EFCAB5: variants seen among roughly 807,000 people sequenced by gnomAD.
EFCAB5 encodes EF-hand calcium-binding domain-containing protein 5.
Under a neutral mutation model 167.9 loss-of-function variants are expected in EFCAB5, and 131 were observed. That is an observed-to-expected ratio of 0.78 (90% CI 0.68 to 0.90). The LOEUF (loss-of-function observed/expected upper bound fraction) is 0.90. Among genes scored for constraint, EFCAB5 ranks in the 40% least tolerant of loss-of-function variants. The pLI is 0.00. For missense variants in EFCAB5, 1,663 were observed against 1,745.2 expected, an observed-to-expected ratio of 0.95 and a Z score of 0.84; for synonymous variants, 574 against 602.8, an observed-to-expected ratio of 0.95 and a Z score of 0.70.
At chr17:29,982,344 C>G (rs2068195188) in intron 4 of EFCAB5, among the ~76,000 whole-genome samples, 1 of 152,010 alleles carries the variant, frequency 6.6e-6, no homozygotes, top group Admixed American at 6.6e-5. Flanking sequence ...TTGCAGTGAG[C>G]CAAGCACCAC....
In EFCAB5 at chr17:30,078,524, A is replaced by G. The variant is rs573196279; in HGVS notation, c.3027+20A>G. 6.5e-7 allele frequency: 1 copy of G among 1,532,906 alleles called. No individual in the cohort carries two copies. The highest frequency in any genetic ancestry group is 1.3e-5 in the South Asian group (1 of 78,708). 95.0% of individuals were successfully genotyped at this position (1,532,906 alleles called of 1,614,324 possible). On this transcript the variant is annotated intron_variant, in intron 15 of 22. Coordinates refer to ENST00000394835, the MANE Select transcript of EFCAB5 (RefSeq NM_198529.4). ...ATGCAGGTACGTTTCCTAAAGCAGT[A>G]TGTAAGAGGAAACATTTCCTCAAAG...
At chr17:29,994,423 G>C (rs1192161493) in intron 5 of EFCAB5, among the ~76,000 whole-genome samples, 1 of 151,780 alleles carries the variant, frequency 6.6e-6, no homozygotes, top group Non-Finnish European at 1.5e-5. Context: ...GTTGCTAGAA[G>C]TGTCCCCTGG....
At chr17:29,951,457 C>T (rs1216985305) in intron 3 of EFCAB5, among the ~76,000 whole-genome samples, 1 of 152,102 alleles carries the variant, frequency 6.6e-6, no homozygotes, top group Non-Finnish European at 1.5e-5. Flanking sequence ...CCTGCCTCAG[C>T]CTCCCAAGTA....
chr17:29,939,870 T>C (rs74405311), upstream of EFCAB5, among the ~76,000 whole-genome samples: 816 of 152,352 alleles, frequency 5.4e-3, 8 homozygotes, highest in African/African-American at 0.019. Context: ...ATATGAATTC[T>C]TCAAACACTT....
chr17:30,090,252 A>C (rs1359312711), intron 19 of EFCAB5, 169 bp from the exon 20 acceptor site: 1 of 850,986 alleles, frequency 1.2e-6, no homozygotes, highest in Non-Finnish European at 1.7e-6. Context: ...GAGCAAACAG[A>C]CAGCCATGTG....
chr17:29,967,726 G>A (rs1211168472), intron 3 of EFCAB5, among the ~76,000 whole-genome samples: 1 of 152,054 alleles, frequency 6.6e-6, no homozygotes, highest in African/African-American at 2.4e-5. Context: ...GGTAGGGGAG[G>A]GGATATAGGT....
At chr17:30,002,676 G>A (rs948414626) in intron 7 of EFCAB5, among the ~76,000 whole-genome samples, 1 of 152,016 alleles carries the variant, frequency 6.6e-6, no homozygotes, top group Non-Finnish European at 1.5e-5. Context: ...CTTCCTTCCC[G>A]ATGTTTCAAG....
chr17:30,027,814 T>A (rs1481160490), intron 7 of EFCAB5, among the ~76,000 whole-genome samples: 1 of 152,118 alleles, frequency 6.6e-6, no homozygotes, highest in African/African-American at 2.4e-5. Context: ...TTGTGGCGAC[T>A]CTAGCCCCAC....
chr17:29,969,899 GA>G (rs2067913948), intron 4 of EFCAB5, among the ~76,000 whole-genome samples: 1 of 151,978 alleles, frequency 6.6e-6, no homozygotes, highest in Admixed American at 6.6e-5. Context: ...AAAAGCATGT[GA>G]TACATGTTAC....
rs758805876 is a variant in EFCAB5 at position 30,051,187 on chromosome 17, C to T, written c.1270C>T (p.Leu424Phe). 1 of 1,613,972 alleles carries T rather than the reference C, an allele frequency of 6.2e-7. No individual in the cohort carries two copies. The highest frequency in any genetic ancestry group is 8.5e-7 in the Non-Finnish European group (1 of 1,179,888). Residue 424 changes from leucine to phenylalanine, a missense_variant, in exon 9 of 23, where the codon CTT (leucine) becomes TTT (phenylalanine). Coordinates refer to ENST00000394835, the MANE Select transcript of EFCAB5 (RefSeq NM_198529.4). ...GTTCTATGACCATAGTTCACAAATG[C>T]TTAGGAGTTTACTTCGAAACCCACG... ...ELFYDHSSQMLRSLLRNPRQW... is the reference protein window; with the variant it reads ...ELFYDHSSQMFRSLLRNPRQW...
intron 1 of EFCAB5, among the ~76,000 whole-genome samples, chr17:29,936,102 T>C (rs1304242647): frequency 6.6e-6 from 1 of 152,134 alleles, no homozygotes; most frequent in Admixed American, 6.5e-5. Context: ...GTGGCACATA[T>C]ACACCATGGA....
chr17:30,088,734 G>A (rs1031304230), intron 19 of EFCAB5, among the ~76,000 whole-genome samples: 18 of 152,192 alleles, frequency 1.2e-4, no homozygotes, highest in Non-Finnish European at 2.2e-4. Flanking sequence ...GGTCACTGTC[G>A]TTGAGTAGGC....
intron 3 of EFCAB5, among the ~76,000 whole-genome samples, chr17:29,944,359 G>A (rs775038423): frequency 1.3e-5 from 2 of 152,110 alleles, no homozygotes; most frequent in East Asian, 1.9e-4. Flanking sequence ...GAGATTATAG[G>A]CCAGAGGGTA....
chr17:30,067,533 A>G (rs1379823773), intron 14 of EFCAB5, among the ~76,000 whole-genome samples: 1 of 152,180 alleles, frequency 6.6e-6, no homozygotes, highest in South Asian at 2.1e-4. Context: ...TGCAAAGATG[A>G]TTTAACATAA....
intron 3 of EFCAB5, among the ~76,000 whole-genome samples, chr17:29,955,265 T>C (rs1295428014): frequency 6.6e-6 from 1 of 152,148 alleles, no homozygotes; most frequent in African/African-American, 2.4e-5. Context: ...GCTGTGTCCC[T>C]ACCCAAATCT....
chr17:30,037,768 T>C (rs1399851108), intron 8 of EFCAB5, among the ~76,000 whole-genome samples: 1 of 152,088 alleles, frequency 6.6e-6, no homozygotes, highest in Non-Finnish European at 1.5e-5. Context: ...AAAGTATTAG[T>C]AAATTAAAAA....
intron 3 of EFCAB5, among the ~76,000 whole-genome samples, chr17:29,952,469 C>T (rs906641543): frequency 3.5e-4 from 53 of 152,196 alleles, no homozygotes; most frequent in African/African-American, 1.2e-3. Context: ...ATAGGATTGT[C>T]TTTATAGTAA....
chr17:30,087,160 T>A lies in EFCAB5; in HGVS notation c.3677T>A (p.Ile1226Asn). The change falls in exon 19 of 23, where the codon ATC becomes AAC. Residue 1226 changes from isoleucine (I) to asparagine (N), a missense_variant. Ile to Asn is a moderately radical substitution (Grantham distance 149). Coordinates refer to ENST00000394835, the MANE Select transcript of EFCAB5 (RefSeq NM_198529.4). Reference sequence around the variant, plus strand: ...CCTACCATCCACAGGAAGTCATGCATCTTCAGGTTAGAGACATGTCTGTTT... The same window carrying A: ...CCTACCATCCACAGGAAGTCATGCAACTTCAGGTTAGAGACATGTCTGTTT... ...NPPTIHRKSC[I>N]FRDFLFKCTD... The A allele has an allele frequency of 1.2e-6, 2 of 1,613,524 alleles. No homozygotes were observed. The highest frequency in any genetic ancestry group is 1.7e-6 in the Non-Finnish European group (2 of 1,179,534).
intron 16 of EFCAB5, among the ~76,000 whole-genome samples, 181 bp downstream of exon 16, chr17:30,080,422 C>T (rs1009061266): frequency 6.6e-6 from 1 of 152,194 alleles, no homozygotes; most frequent in Non-Finnish European, 1.5e-5. Flanking sequence ...CTAGAGCTCG[C>T]TCTTTGGTAA....
Sources: gnomAD v4.1 joint callset for allele counts (sites outside exome capture counted in the v4.1 genomes callset) on GRCh38, gnomAD v4.1.1 for gene constraint, MANE v1.5 for transcripts, NCBI Gene and HGNC (gene_info 2026-07-23, HGNC 2026-07-21) for gene names.